Variants in SHPK observed in about 807,000 individuals in gnomAD.
The protein encoded by SHPK is sedoheptulokinase, also known as carbohydrate kinase-like protein.
SHPK carries 51 observed loss-of-function variants against 46.3 expected under a neutral mutation model. That is an observed-to-expected ratio of 1.10 (90% CI 0.88 to 1.39). The LOEUF (loss-of-function observed/expected upper bound fraction) is 1.39. Among genes scored for constraint, SHPK ranks in the 40% most tolerant of loss-of-function variants. The pLI is 0.00. For synonymous variants in SHPK, 290 were observed against 273.9 expected, an observed-to-expected ratio of 1.06 and a Z score of -0.58; for missense variants, 668 against 641.3, an observed-to-expected ratio of 1.04 and a Z score of -0.45.
chr17:3,632,662 G>C (rs1403782881), intron 1 of SHPK, among the ~76,000 whole-genome samples: 1 of 152,092 alleles, frequency 6.6e-6, no homozygotes, highest in African/African-American at 2.4e-5. Flanking sequence ...CCCACTCCTT[G>C]GCTCAGAATA....
intron 5 of SHPK, among the ~76,000 whole-genome samples, chr17:3,616,993 TC>T (rs1254230466): frequency 6.6e-6 from 1 of 151,744 alleles, no homozygotes; most frequent in Non-Finnish European, 1.5e-5. Context: ...TGCCTCGGCC[TC>T]CCAAAGTGCT....
rs2075520504 is a variant in SHPK, at chr17:3,635,923, C to G, written c.168+129G>C. On this transcript the variant is annotated intron_variant, in intron 1 of 6. Transcript: ENST00000225519. Reference sequence around the variant, plus strand: ...ACAGCTGCTGCAGGCAGACGGGCCCCTGGAGAAGCTGGGGACAAGCTGGAA... The same window carrying G: ...ACAGCTGCTGCAGGCAGACGGGCCCGTGGAGAAGCTGGGGACAAGCTGGAA... The G allele has an allele frequency of 2.2e-5, 21 of 942,022 alleles. No individual in the cohort carries two copies. In the South Asian group the frequency reaches 3.6e-4, roughly 16 times the overall value. The allele number at this position is 942,022 out of a possible 1,614,324, so 58.4% of individuals were successfully genotyped here.
chr17:3,624,592 T>C (rs991608813), intron 2 of SHPK, among the ~76,000 whole-genome samples: 5 of 152,198 alleles, frequency 3.3e-5, no homozygotes, highest in African/African-American at 1.2e-4. Context: ...TTACTGCTAC[T>C]TGATTACCAG....
chr17:3,616,536 C>G (rs1272032793), intron 5 of SHPK, among the ~76,000 whole-genome samples: 1 of 152,136 alleles, frequency 6.6e-6, no homozygotes, highest in Non-Finnish European at 1.5e-5. Context: ...CACTCAGAAT[C>G]CTGACCCTCA....
At chr17:3,623,620 G>A (rs568143134) in intron 3 of SHPK, 129 bp from the exon 4 acceptor site, 3 of 901,842 alleles carry the variant, frequency 3.3e-6, no homozygotes, top group Middle Eastern at 5.4e-4. Flanking sequence ...ATATACTATG[G>A]CTCAAGTCCA....
Position 3,630,274 on chromosome 17 carries a change from G to A in SHPK, c.241C>T (p.Leu81Phe), listed in dbSNP as rs941318498. 6 of 1,613,742 alleles carry A rather than the reference G, an allele frequency of 3.7e-6. No individual in the cohort carries two copies. The highest frequency in any genetic ancestry group is 3.4e-6 in the Non-Finnish European group (4 of 1,180,018). Residue 81 changes from leucine to phenylalanine, a missense_variant, in exon 2 of 7, where the codon CTC becomes TTC. By Grantham distance (22) the Leu-to-Phe change is conservative. Coordinates refer to ENST00000225519, the MANE Select transcript of SHPK (RefSeq NM_013276.4). ...ACCCCGATGCCCACGACGCTCCGGA[G>A]CTGGGGTCGGGGAAGGGCAGCAAGG... ...ECLAALPRPQ[L>F]RSVVGIGVSG...
Position 3,623,499 on chromosome 17 carries a change from T to C in SHPK, c.495-8A>G. 6.2e-7 allele frequency: 1 copy of C among 1,613,726 alleles called. No individual in the cohort carries two copies. The highest frequency in any genetic ancestry group is 8.5e-7 in the Non-Finnish European group (1 of 1,179,794). On this transcript the variant is annotated splice_polypyrimidine_tract_variant and splice_region_variant and intron_variant, in intron 3 of 6. Transcript: ENST00000225519. The stretch of plus-strand genomic sequence containing the variant: ...GACTTCAGGAACTCTGGGCTGTTTT[T>C]CATACCAAAAACAACCAACACGGTA...
At chr17:3,619,227 A>G (rs1201882778) in intron 5 of SHPK, 16 of 603,214 alleles carry the variant, frequency 2.7e-5, no homozygotes, top group Non-Finnish European at 4.5e-5. Flanking sequence ...GATGTGTGTA[A>G]GATTTTACAT....
chr17:3,619,616 C>T (rs2075388396), intron 5 of SHPK: 2 of 382,224 alleles, frequency 5.2e-6, no homozygotes, highest in Middle Eastern at 1.8e-3. Context: ...GCCTGTAGTC[C>T]CATCTACTCG....
At chr17:3,624,645 T>C (rs578145556) in intron 2 of SHPK, among the ~76,000 whole-genome samples, 1 of 150,412 alleles carries the variant, frequency 6.6e-6, no homozygotes, top group South Asian at 2.1e-4. Context: ...TTGCGTTTTA[T>C]TTTATTTTAT....
At chr17:3,616,137 C>G (rs1254195032) in intron 5 of SHPK, among the ~76,000 whole-genome samples, 1 of 152,140 alleles carries the variant, frequency 6.6e-6, no homozygotes, top group African/African-American at 2.4e-5. Flanking sequence ...CAGGTGTGAG[C>G]CACCGTGCCC....
In SHPK at chr17:3,630,196, C is replaced by T. The variant is rs2075461714; in HGVS notation, c.310+9G>A. On this transcript the variant is annotated intron_variant, in intron 2 of 6. Transcript: ENST00000225519. ...TACCAGCCTGAGAGCATCCCCGAGC[C>T]CAGCATACCTTGGCCTGTTTTCCAA... The T allele has an allele frequency of 6.2e-7, 1 of 1,613,954 alleles. No homozygotes were observed. The highest frequency in any genetic ancestry group is 8.5e-7 in the Non-Finnish European group (1 of 1,180,018).
At chr17:3,635,202 G>GAAGAAAGGAAGGAAGGAAGA (rs879382597) in intron 1 of SHPK, among the ~76,000 whole-genome samples, 1 of 121,390 alleles carries the variant, frequency 8.2e-6, no homozygotes, top group East Asian at 2.8e-4. Context: ...ATGAAGGAAG[G>GAAGAAAGGAAGGAAGGAAGA]AAGGAAGGAA....
At chr17:3,614,253 A>C (rs1280762939) in intron 6 of SHPK, among the ~76,000 whole-genome samples, 1 of 152,184 alleles carries the variant, frequency 6.6e-6, no homozygotes, top group Non-Finnish European at 1.5e-5. Context: ...GGGCGAGCGC[A>C]GTGGCTCACG....
rs1555555401 is a variant in SHPK at position 3,631,539 on chromosome 17, T to TTA, written c.169-1194_169-1193insTA. 4.0e-3 allele frequency among the ~76,000 whole-genome samples: 515 copies of TTA among 127,600 alleles called. 45 individuals carry two copies. Among genetic ancestry groups the TTA allele is most frequent in the African/African-American group, 6.4e-3 (218 of 34,164 alleles). The allele number at this position is 127,600 out of a possible 152,430, so 83.7% of individuals were successfully genotyped here. A position where few individuals can be genotyped will look rare whatever the true frequency, so the allele number is the denominator to read the frequency against. On this transcript the variant is annotated intron_variant, in intron 1 of 6. Transcript: ENST00000225519. ...TTTTTTTTTTTTTTTTTTTTTTTTT[T>TTA]AGCGATAGAGTCTCTCTCTATTGCT...
intron 5 of SHPK, among the ~76,000 whole-genome samples, chr17:3,616,120 C>A (rs749727528): frequency 1.3e-5 from 2 of 151,994 alleles, no homozygotes; most frequent in Non-Finnish European, 2.9e-5. Context: ...CCAAAGTGTT[C>A]GGATTACAGG....
At chr17:3,621,158 C>T in intron 5 of SHPK, 79 bp downstream of exon 5, 1 of 1,205,634 alleles carries the variant, frequency 8.3e-7, no homozygotes, top group Non-Finnish European at 1.1e-6. Flanking sequence ...CTCTGTGTGC[C>T]CTGCAGACTC....
At chr17:3,632,680 G>C (rs1409754651) in intron 1 of SHPK, among the ~76,000 whole-genome samples, 1 of 152,062 alleles carries the variant, frequency 6.6e-6, no homozygotes, top group African/African-American at 2.4e-5. Flanking sequence ...ATATCAGTTG[G>C]TCTACATCCA....
chr17:3,636,027 G>A (rs1174531937), intron 1 of SHPK, 25 bp downstream of exon 1: 1 of 1,516,442 alleles, frequency 6.6e-7, no homozygotes, highest in East Asian at 2.5e-5. Context: ...CCTGGAGGCG[G>A]CGCGGCCCCG....
Sources: allele counts gnomAD v4.1 joint callset (sites outside exome capture counted in the v4.1 genomes callset), GRCh38; gene constraint gnomAD v4.1.1; transcripts MANE v1.5; gene names NCBI Gene and HGNC (gene_info 2026-07-23, HGNC 2026-07-21).